DNAH17: variants seen among roughly 807,000 people sequenced by gnomAD.
The protein encoded by DNAH17 is axonemal beta dynein heavy chain 17.
Under a neutral mutation model 485.6 loss-of-function variants are expected in DNAH17, and 376 were observed. The observed-to-expected ratio is 0.77, with a 90% CI of 0.71 to 0.84. DNAH17 has a LOEUF of 0.84. Ranked by LOEUF, DNAH17 falls within the 40% of genes least tolerant of loss-of-function variation. The pLI is 0.00. For synonymous variants in DNAH17, 3,031 were observed against 2,405.9 expected, an observed-to-expected ratio of 1.26 and a Z score of -7.60; for missense variants, 6,370 against 5,839.3, an observed-to-expected ratio of 1.09 and a Z score of -2.96.
chr17:78,425,360 C>T lies in DNAH17; in HGVS notation c.13127G>A (p.Gly4376Glu), dbSNP rs757090898. ...APPREGSYVY[G>E]LFMEGARWDT... ...GCCCTCCTTACCTTCCATGAAGAGT[C>T]CGTACACGTAGGAGCCCTCTCGCGG... is the stretch of plus-strand genomic sequence containing the variant. Residue 4376 changes from glycine (G) to glutamate (E), a missense_variant, in exon 80 of 81, where the codon GGA becomes GAA. Gly to Glu is a moderately conservative substitution (Grantham distance 98). Coordinates refer to ENST00000389840, the MANE Select transcript of DNAH17 (RefSeq NM_173628.4). 6.2e-7 allele frequency: 1 copy of T among 1,613,930 alleles called. No individual in the cohort carries two copies. Among genetic ancestry groups the T allele is most frequent in the South Asian group, 1.1e-5 (1 of 91,068 alleles).
At chr17:78,572,928 G>A (rs777012145) in intron 2 of DNAH17, 34 bp from the exon 3 acceptor site, 1 of 1,594,156 alleles carries the variant, frequency 6.3e-7, no homozygotes, top group Non-Finnish European at 8.6e-7. Context: ...TCCGCCCCCT[G>A]TGCCTTCACC....
intron 62 of DNAH17, among the ~76,000 whole-genome samples, chr17:78,456,298 C>CAAAACAAAAACA (rs57678764): frequency 1.4e-4 from 21 of 151,948 alleles, no homozygotes; most frequent in African/African-American, 2.7e-4. Context: ...GACTTCATCT[C>CAAAACAAAAACA]AAAACAAAAA....
rs749758037 is a variant in DNAH17 at position 78,569,494 on chromosome 17, T to TCA, written c.1076_1077dup (p.Lys360Ter). On this transcript the variant is annotated frameshift_variant, in exon 8 of 81. Transcript: ENST00000389840. LOFTEE classifies it high-confidence loss of function. ...TCCTCGATTTCACCTTGCAGGCCCTTCAGCACCTCTTCCGGGCTCAGGAAG... is the reference window on the plus strand; with the variant it reads ...TCCTCGATTTCACCTTGCAGGCCCTTCACAGCACCTCTTCCGGGCTCAGGAAG... 58 of 1,609,990 alleles carry TCA rather than the reference T, an allele frequency of 3.6e-5. No homozygotes were observed. The highest frequency in any genetic ancestry group is 4.8e-5 in the Non-Finnish European group (57 of 1,178,104).
At position 78,571,290 on chromosome 17, in the gene DNAH17, T is replaced by C. The variant is rs76509479; in HGVS notation, c.821A>G (p.Asn274Ser). 119 of 1,613,126 alleles carry C rather than the reference T, an allele frequency of 7.4e-5. No homozygotes were observed. The East Asian group carries it at 1.9e-3, about 26-fold the overall frequency. ...YWPALQNVYT[N>S]VTEGLKEAND... ...GGTCACAGGCTCACCTTCAGTGACGTTGGTGTAAACGTTTTGCAGGGCTGG... is the reference window on the plus strand; with the variant it reads ...GGTCACAGGCTCACCTTCAGTGACGCTGGTGTAAACGTTTTGCAGGGCTGG... Residue 274 changes from asparagine to serine, a missense_variant, in exon 5 of 81, where the codon AAC becomes AGC. By Grantham distance (46) the Asn-to-Ser change is conservative. Coordinates refer to ENST00000389840, the MANE Select transcript of DNAH17 (RefSeq NM_173628.4).
At chr17:78,466,875 C>T in intron 55 of DNAH17, 59 bp from the exon 56 acceptor site, 1 of 1,444,426 alleles carries the variant, frequency 6.9e-7, no homozygotes, top group South Asian at 1.4e-5. Flanking sequence ...GGGCCTAATC[C>T]ATCACTCTGC....
In DNAH17 at chr17:78,500,295, G is replaced by C. The variant is rs771558375; in HGVS notation, c.5640+10C>G. ...ACTCTGGGTCCCTCCTCCGGACCCC[G>C]GCCGCGTACCTTGTAGTCCATCTGC... is the stretch of plus-strand genomic sequence containing the variant. On this transcript the variant is annotated intron_variant, in intron 36 of 80. Coordinates refer to ENST00000389840, the MANE Select transcript of DNAH17 (RefSeq NM_173628.4). The C allele has an allele frequency of 1.2e-6, 2 of 1,606,422 alleles. No individual in the cohort carries two copies. The highest frequency in any genetic ancestry group is 2.7e-5 in the African/African-American group (2 of 74,674).
chr17:78,499,114 T>G lies in DNAH17; in HGVS notation c.5641-2A>C. 1 of 1,579,780 alleles carries G rather than the reference T, an allele frequency of 6.3e-7. No individual in the cohort carries two copies. Among genetic ancestry groups the G allele is most frequent in the Non-Finnish European group, 8.6e-7 (1 of 1,163,902 alleles). On this transcript the variant is annotated splice_acceptor_variant, in intron 36 of 80. Coordinates refer to ENST00000389840, the MANE Select transcript of DNAH17 (RefSeq NM_173628.4). LOFTEE classifies it high-confidence loss of function. The stretch of plus-strand genomic sequence containing the variant: ...GCCCTTGTAGATATTTCCACAGGAC[T>G]GGAAAGGGCGAGATGGAGAAAGGAA...
chr17:78,554,758 A>AT (rs948156636), intron 14 of DNAH17, among the ~76,000 whole-genome samples: 38 of 152,046 alleles, frequency 2.5e-4, no homozygotes, highest in African/African-American at 8.7e-4. Context: ...TTGGTACTTT[A>AT]TTTTTTGAGA....
At position 78,491,466 on chromosome 17, in the gene DNAH17, TGA is replaced by T. The variant is rs1287438774; in HGVS notation, c.6644_6645del (p.Leu2215GlnfsTer6). ...ACCTTGTTGTCATCCATGACTGTGT[TGA>T]GAGACTCGATCCACATGGGGTCTAT... Reference protein sequence around the residue: ...GDIDPMWIESLNTVMDDNKVL... With the variant: ...GDIDPMWIESXNTVMDDNKVL... On this transcript the variant is annotated frameshift_variant, in exon 43 of 81. Transcript: ENST00000389840. LOFTEE classifies it high-confidence loss of function. 6.2e-7 allele frequency: 1 copy of T among 1,613,026 alleles called. No homozygotes were observed. The highest frequency in any genetic ancestry group is 1.7e-5 in the Admixed American group (1 of 59,890).
intron 54 of DNAH17, among the ~76,000 whole-genome samples, 182 bp downstream of exon 54, chr17:78,475,096 C>T (rs879775913): frequency 6.6e-6 from 1 of 151,862 alleles, no homozygotes; most frequent in African/African-American, 2.4e-5. Flanking sequence ...CACACGGGCA[C>T]GCACGCTGGC....
chr17:78,476,040 T>G (rs879100130), intron 52 of DNAH17, among the ~76,000 whole-genome samples: 1 of 152,030 alleles, frequency 6.6e-6, no homozygotes, highest in Non-Finnish European at 1.5e-5. Flanking sequence ...TGATCCCCAC[T>G]GTATCAGAAA....
At position 78,434,244 on chromosome 17, in the gene DNAH17, G is replaced by C. The variant is rs928626743; in HGVS notation, c.12034-24C>G. On this transcript the variant is annotated intron_variant, in intron 74 of 80. Transcript: ENST00000389840. ...TCCTGTGGGGCACACGCTCCGGTCAGGTATTAGGGAGAGGGAGAAGTTTAC... is the reference window on the plus strand; with the variant it reads ...TCCTGTGGGGCACACGCTCCGGTCACGTATTAGGGAGAGGGAGAAGTTTAC... The C allele has an allele frequency of 7.0e-6, 11 of 1,580,932 alleles. No homozygotes were observed. The East Asian group carries it at 1.1e-4, about 16-fold the overall frequency.
chr17:78,553,137 C>G (rs1390493727), intron 14 of DNAH17, among the ~76,000 whole-genome samples: 1 of 152,164 alleles, frequency 6.6e-6, no homozygotes, highest in Admixed American at 6.5e-5. Flanking sequence ...AGTGATGTGC[C>G]TGCTTCCCCT....
At chr17:78,501,985 AG>A (rs1466677878) in intron 33 of DNAH17, 112 bp from the exon 34 acceptor site, 2 of 1,490,138 alleles carry the variant, frequency 1.3e-6, no homozygotes, top group Non-Finnish European at 1.8e-6. Flanking sequence ...TTTTGTTTAC[AG>A]TAATGAAAAA....
At chr17:78,512,542 A>G (rs2090660948) in intron 26 of DNAH17, among the ~76,000 whole-genome samples, 1 of 151,164 alleles carries the variant, frequency 6.6e-6, no homozygotes, top group Admixed American at 6.6e-5. Context: ...GCACTTGAGA[A>G]GAAGCAGATA....
chr17:78,428,397 G>A, intron 77 of DNAH17, 128 bp downstream of exon 77: 1 of 1,181,762 alleles, frequency 8.5e-7, no homozygotes, highest in Non-Finnish European at 1.2e-6. Flanking sequence ...TGATACCCAA[G>A]CCCAAGGCTG....
chr17:78,533,023 C>A (rs916183775), intron 19 of DNAH17: 6 of 291,156 alleles, frequency 2.1e-5, no homozygotes, highest in African/African-American at 1.3e-4. Flanking sequence ...TCCCAAGTAG[C>A]TGGGACCACA....
chr17:78,500,055 A>G (rs1238765387), intron 36 of DNAH17: 3 of 452,542 alleles, frequency 6.6e-6, no homozygotes, highest in Admixed American at 3.9e-5. Flanking sequence ...AAATTGAGAG[A>G]GGGTCACCTC....
At position 78,472,554 on chromosome 17, in the gene DNAH17, C is replaced by G. The variant is rs867381446; in HGVS notation, c.8511+2724G>C. On this transcript the variant is annotated intron_variant, in intron 54 of 80. Transcript: ENST00000389840. ...GCTTTCTTCATGGGGCAGCCCAGCTCTGGCTGCTGACTCAGGCTGGGGTGA... is the reference window on the plus strand; with the variant it reads ...GCTTTCTTCATGGGGCAGCCCAGCTGTGGCTGCTGACTCAGGCTGGGGTGA... The G allele has an allele frequency of 5.3e-4, 166 of 312,490 alleles. 2 individuals carry two copies. The Middle Eastern group carries it at 0.011, about 20-fold the overall frequency. The allele number at this position is 312,490 out of a possible 1,614,324, so 19.4% of individuals were successfully genotyped here.
Sources: gnomAD v4.1 joint callset for allele counts (sites outside exome capture counted in the v4.1 genomes callset) on GRCh38, gnomAD v4.1.1 for gene constraint, MANE v1.5 for transcripts, NCBI Gene and HGNC (gene_info 2026-07-23, HGNC 2026-07-21) for gene names.